Variants in STAG2 observed in about 807,000 individuals in gnomAD.
The protein encoded by STAG2 is STAG2 cohesin complex component.
Under a neutral mutation model 108.1 loss-of-function variants are expected in STAG2, and 14 were observed. The ratio of observed to expected loss-of-function variants is 0.13; its 90% CI spans 0.09 to 0.20. The LOEUF is 0.20. Ranked by LOEUF, STAG2 falls within the 10% of genes least tolerant of loss-of-function variation. The pLI is 1.00. For missense variants in STAG2, 440 were observed against 940.9 expected (o/e 0.47, Z 6.96); for synonymous variants, 307 against 302.7 (o/e 1.01, Z -0.15).
chrX:124,048,273 C>T (rs1456452758), intron 9 of STAG2, among the ~76,000 whole-genome samples: 3 of 111,904 alleles, frequency 2.7e-5, no homozygotes, highest in Admixed American at 9.5e-5. Context: ...CATATCCAGA[C>T]TCAAGAATTG....
At chrX:124,093,264 G>T (rs992934732) in intron 32 of STAG2, among the ~76,000 whole-genome samples, 1 of 111,003 alleles carries the variant, frequency 9.0e-6, no homozygotes, top group Non-Finnish European at 1.9e-5. Flanking sequence ...GTTTCATAGG[G>T]CACACGAATC....
chrX:123,981,685 A>C (rs1345805460), intron 1 of STAG2, among the ~76,000 whole-genome samples: 1 of 111,475 alleles, frequency 9.0e-6, no homozygotes, highest in East Asian at 2.8e-4. Context: ...ATATACCCAG[A>C]AGTGGAATTG....
chrX:124,050,177 C>T lies in STAG2; in HGVS notation c.894-9C>T, dbSNP rs7063522. On this transcript the variant is annotated splice_polypyrimidine_tract_variant and intron_variant, in intron 10 of 34. Coordinates refer to ENST00000371145, the MANE Select transcript of STAG2 (RefSeq NM_001042750.2). ...CTAATTATGCATCGTTTTTCCTTCCCCCATTCAGTGATGCGATAGCTGAAA... is the reference window on the plus strand; with the variant it reads ...CTAATTATGCATCGTTTTTCCTTCCTCCATTCAGTGATGCGATAGCTGAAA... 60,674 of 1,203,937 alleles carry T rather than the reference C, an allele frequency of 0.05. 1,221 individuals carry two copies. The highest frequency in any genetic ancestry group is 0.12 in the African/African-American group (6,633 of 56,790).
intron 9 of STAG2, among the ~76,000 whole-genome samples, chrX:124,048,658 G>C (rs1053083694): frequency 9.0e-6 from 1 of 111,284 alleles, no homozygotes; most frequent in Non-Finnish European, 1.9e-5. Context: ...TCGAACTCCT[G>C]ACCTCAAGTG....
At chrX:124,024,938 AG>A (rs1183944586) in intron 3 of STAG2, among the ~76,000 whole-genome samples, 1 of 111,628 alleles carries the variant, frequency 9.0e-6, no homozygotes, top group Non-Finnish European at 1.9e-5. Flanking sequence ...CATTTAAATG[AG>A]GGTATGTTAC....
intron 34 of STAG2, among the ~76,000 whole-genome samples, chrX:124,097,092 T>C (rs2059400061): frequency 9.5e-6 from 1 of 105,775 alleles, no homozygotes; most frequent in Non-Finnish European, 1.9e-5. Flanking sequence ...GGTGGGAGGA[T>C]TGCTTGAGCC....
chrX:124,084,077 C>T (rs1320368102), intron 29 of STAG2, among the ~76,000 whole-genome samples: 1 of 111,748 alleles, frequency 8.9e-6, no homozygotes, highest in Non-Finnish European at 1.9e-5. Flanking sequence ...ATAAAAGAGC[C>T]CCCAAAATGG....
In STAG2 at chrX:124,009,429, AGGTAGG is replaced by A. The variant is rs1569501832; in HGVS notation, c.-162-11937_-162-11932del. On this transcript the variant is annotated intron_variant, in intron 1 of 34. Coordinates refer to ENST00000371145, the MANE Select transcript of STAG2 (RefSeq NM_001042750.2). ...TAGGTAGGTAGGTAGGTAGGTAGGT[AGGTAGG>A]TAGGTAGGTAGATAGATAGATAGAT... Among the ~76,000 whole-genome samples, 383 of 89,970 alleles carry A rather than the reference AGGTAGG, an allele frequency of 4.3e-3. 2 individuals carry two copies. Among genetic ancestry groups the A allele is most frequent in the African/African-American group, 0.013 (353 of 26,813 alleles). The allele number at this position is 89,970 out of a possible 115,157, so 78.1% of individuals were successfully genotyped here. A position where few individuals can be genotyped will look rare whatever the true frequency, so the allele number is the denominator to read the frequency against.
chrX:124,014,051 G>A (rs1289342441), intron 1 of STAG2, among the ~76,000 whole-genome samples: 2 of 111,533 alleles, frequency 1.8e-5, no homozygotes, highest in Non-Finnish European at 3.8e-5. Flanking sequence ...GTGATGGCTC[G>A]AGTCATGTTT....
chrX:124,050,121 A>T (rs775813247), intron 10 of STAG2, 65 bp from the exon 11 acceptor site: 28 of 1,149,123 alleles, frequency 2.4e-5, no homozygotes, highest in Non-Finnish European at 3.3e-5. Flanking sequence ...GCATCTCTTG[A>T]ATAAACCATA....
intron 10 of STAG2, among the ~76,000 whole-genome samples, chrX:124,049,314 T>C (rs1188987874): frequency 1.8e-5 from 2 of 111,717 alleles, no homozygotes; most frequent in African/African-American, 6.5e-5. Context: ...CAGTAGAAGT[T>C]ACTGCTATTT....
intron 30 of STAG2, among the ~76,000 whole-genome samples, chrX:124,088,280 A>G (rs1259467550): frequency 9.1e-6 from 1 of 110,295 alleles, no homozygotes; most frequent in Non-Finnish European, 1.9e-5. Context: ...ATGAATTGGT[A>G]TTTATATCAC....
chrX:123,976,500 A>G (rs1448667260), intron 1 of STAG2, among the ~76,000 whole-genome samples: 1 of 111,137 alleles, frequency 9.0e-6, no homozygotes, highest in Non-Finnish European at 1.9e-5. Context: ...AGGTTCTCAA[A>G]TGGTAATTGA....
intron 1 of STAG2, among the ~76,000 whole-genome samples, chrX:124,019,959 C>T (rs1435109029): frequency 8.9e-6 from 1 of 112,220 alleles, no homozygotes; most frequent in Non-Finnish European, 1.9e-5. Flanking sequence ...TTTTTATATA[C>T]GTATAATACG....
chrX:123,986,297 G>A (rs916437997), intron 1 of STAG2, among the ~76,000 whole-genome samples: 1 of 109,286 alleles, frequency 9.2e-6, no homozygotes, highest in Admixed American at 1.0e-4. Flanking sequence ...GCAGAGTTAG[G>A]ATTCCAACCC....
intron 15 of STAG2, among the ~76,000 whole-genome samples, chrX:124,060,964 A>T (rs770590863): frequency 6.5e-5 from 7 of 107,856 alleles, no homozygotes; most frequent in South Asian, 3.8e-4. Flanking sequence ...AAATATATAT[A>T]TTTTATATAA....
At chrX:124,029,829 T>G (rs2057276230) in intron 4 of STAG2, among the ~76,000 whole-genome samples, 1 of 111,570 alleles carries the variant, frequency 9.0e-6, no homozygotes, top group Non-Finnish European at 1.9e-5. Flanking sequence ...AATTCAACCC[T>G]GGCATTTGAG....
intron 4 of STAG2, among the ~76,000 whole-genome samples, chrX:124,028,820 ATATTTTTT>A (rs1225964305): frequency 1.4e-4 from 4 of 27,772 alleles, no homozygotes; most frequent in Non-Finnish European, 1.5e-4. Context: ...ATATATATAT[ATATTTTTT>A]TTTTTATAGA....
At chrX:124,054,498 G>A (rs2058136286) in intron 13 of STAG2, among the ~76,000 whole-genome samples, 1 of 111,582 alleles carries the variant, frequency 9.0e-6, no homozygotes, top group African/African-American at 3.3e-5. Context: ...CACACATGTT[G>A]TATATAAAAA....
Sources: allele counts gnomAD v4.1 joint callset (sites outside exome capture counted in the v4.1 genomes callset), GRCh38; gene constraint gnomAD v4.1.1; transcripts MANE v1.5; gene names NCBI Gene and HGNC (gene_info 2026-07-23, HGNC 2026-07-21).